TSHZ2: variants seen among roughly 807,000 people sequenced by gnomAD.
The protein encoded by TSHZ2 is teashirt zinc finger homeobox 2.
A neutral mutation model predicts 74.4 loss-of-function variants in TSHZ2; 21 were observed. The ratio of observed to expected loss-of-function variants is 0.28; its 90% CI spans 0.20 to 0.41. The LOEUF is 0.41. Among genes scored for constraint, TSHZ2 ranks in the 10% least tolerant of loss-of-function variants. The pLI is 1.00. For missense variants in TSHZ2, 1,244 were observed against 1,293.5 expected, an observed-to-expected ratio of 0.96 and a Z score of 0.59; for synonymous variants, 540 against 515.3, an observed-to-expected ratio of 1.05 and a Z score of -0.65.
rs1487705472 is a variant in TSHZ2, at chr20:53,226,240, G to T, written c.41-27259G>T. Among the ~76,000 whole-genome samples, 8 of 151,672 alleles carry T rather than the reference G, an allele frequency of 5.3e-5. No homozygotes were observed. The South Asian group carries it at 8.4e-4, about 16-fold the overall frequency. On this transcript the variant is annotated intron_variant, in intron 1 of 2. Transcript: ENST00000371497. ...CTTTGGGGACAGGCCTAGGATTTGG[G>T]TCTCAGCCTTGCCGTATTCTGTCAG...
chr20:53,220,961 A>G (rs986092584), intron 1 of TSHZ2, among the ~76,000 whole-genome samples: 1 of 152,152 alleles, frequency 6.6e-6, no homozygotes, highest in Non-Finnish European at 1.5e-5. Context: ...TTCATGAATG[A>G]TATGGTTTGG....
intron 1 of TSHZ2, among the ~76,000 whole-genome samples, chr20:53,229,820 AGAGG>A (rs1241588757): frequency 6.6e-6 from 1 of 150,408 alleles, no homozygotes; most frequent in Non-Finnish European, 1.5e-5. Context: ...AAGGAAAAAA[AGAGG>A]GAGGAAGAGA....
intron 2 of TSHZ2, among the ~76,000 whole-genome samples, chr20:53,288,015 G>A (rs750905447): frequency 2.0e-5 from 3 of 151,904 alleles, no homozygotes; most frequent in Non-Finnish European, 2.9e-5. Flanking sequence ...TTCCATTATC[G>A]GGAGGCTGGC....
chr20:53,393,635 G>A (rs1306881118), intron 2 of TSHZ2, among the ~76,000 whole-genome samples: 2 of 150,798 alleles, frequency 1.3e-5, no homozygotes, highest in Admixed American at 6.6e-5. Context: ...ATCTATGCAA[G>A]GGACAAAGTT....
intron 1 of TSHZ2, among the ~76,000 whole-genome samples, chr20:53,142,067 A>G (rs1237966758): frequency 1.3e-5 from 2 of 152,218 alleles, no homozygotes; most frequent in East Asian, 3.8e-4. Flanking sequence ...TCCTAAGTCA[A>G]GATTTTTTGT....
intron 1 of TSHZ2, among the ~76,000 whole-genome samples, chr20:53,169,849 T>C (rs1406828409): frequency 3.3e-5 from 5 of 152,230 alleles, no homozygotes; most frequent in African/African-American, 1.2e-4. Context: ...TATATTATAC[T>C]TATGTAAAGG....
intron 1 of TSHZ2, among the ~76,000 whole-genome samples, chr20:53,225,629 A>G (rs1989667305): frequency 6.6e-6 from 1 of 152,230 alleles, no homozygotes; most frequent in African/African-American, 2.4e-5. Flanking sequence ...CCGCTATGGC[A>G]ACTATTGGTA....
intron 1 of TSHZ2, among the ~76,000 whole-genome samples, chr20:53,058,095 G>A (rs1017939676): frequency 3.9e-5 from 6 of 152,134 alleles, no homozygotes; most frequent in Non-Finnish European, 8.8e-5. Flanking sequence ...TCCCTCACAC[G>A]TGCAGTTCAC....
chr20:53,391,445 G>GTT (rs34433732), intron 2 of TSHZ2, among the ~76,000 whole-genome samples: 68 of 150,316 alleles, frequency 4.5e-4, no homozygotes, highest in East Asian at 9.8e-4. Flanking sequence ...GCACCAGGCC[G>GTT]TTTTTTTTGT....
intron 2 of TSHZ2, among the ~76,000 whole-genome samples, chr20:53,323,404 T>G (rs1408263085): frequency 7.2e-6 from 1 of 138,840 alleles, no homozygotes; most frequent in Non-Finnish European, 1.5e-5. Flanking sequence ...CTGGAAATAC[T>G]TGTTTGATGA....
chr20:53,434,325 T>C (rs1983961900), intron 2 of TSHZ2, among the ~76,000 whole-genome samples: 1 of 152,214 alleles, frequency 6.6e-6, no homozygotes, highest in Admixed American at 6.5e-5. Flanking sequence ...ATCATTCAAA[T>C]TTAAGGTCAC....
intron 2 of TSHZ2, among the ~76,000 whole-genome samples, chr20:53,339,145 T>C (rs1210880598): frequency 6.6e-6 from 1 of 152,182 alleles, no homozygotes; most frequent in Non-Finnish European, 1.5e-5. Flanking sequence ...AGAAGAAATC[T>C]AACATTCTCT....
At chr20:53,017,632 A>T (rs990480390) in intron 1 of TSHZ2, among the ~76,000 whole-genome samples, 1 of 152,174 alleles carries the variant, frequency 6.6e-6, no homozygotes, top group African/African-American at 2.4e-5. Flanking sequence ...CAATTAATGG[A>T]GGTTTGAAAA....
intron 2 of TSHZ2, among the ~76,000 whole-genome samples, chr20:53,380,913 C>G (rs1981834189): frequency 6.6e-6 from 1 of 152,088 alleles, no homozygotes; most frequent in African/African-American, 2.4e-5. Context: ...AACTAGAAAC[C>G]ACGTATAAGA....
chr20:53,233,179 G>A (rs1989868000), intron 1 of TSHZ2, among the ~76,000 whole-genome samples: 1 of 152,204 alleles, frequency 6.6e-6, no homozygotes, highest in African/African-American at 2.4e-5. Context: ...AATGTGGAAG[G>A]AAGATCTTGG....
At chr20:53,120,078 A>G (rs964010016) in intron 1 of TSHZ2, among the ~76,000 whole-genome samples, 2 of 152,174 alleles carry the variant, frequency 1.3e-5, no homozygotes, top group Non-Finnish European at 2.9e-5. Flanking sequence ...CCCACATCCC[A>G]TCTAGATAAT....
rs954578333 is a variant in TSHZ2, at chr20:53,026,641, A to C, written c.40+53308A>C. Among the ~76,000 whole-genome samples the C allele has an allele frequency of 2.0e-5, 3 of 152,360 alleles. No homozygotes were observed. In the East Asian group the frequency reaches 5.8e-4, roughly 29 times the overall value. On this transcript the variant is annotated intron_variant, in intron 1 of 2. Transcript: ENST00000371497. The stretch of plus-strand genomic sequence containing the variant: ...TAGTAAACCCATGCAAATAAGAGAG[A>C]AAAATATAACTGTCACATCCACACA...
At chr20:53,051,332 T>A (rs1242932760) in intron 1 of TSHZ2, among the ~76,000 whole-genome samples, 1 of 151,836 alleles carries the variant, frequency 6.6e-6, no homozygotes, top group Non-Finnish European at 1.5e-5. Context: ...GGAGCAAGAC[T>A]GTGTCTCAAA....
At position 53,469,634 on chromosome 20, in the gene TSHZ2, GAGGAAGGAAGGAAGGA is replaced by G. The variant is rs756806325; in HGVS notation, c.*9-17473_*9-17458del. Among the ~76,000 whole-genome samples, 297 of 35,502 alleles carry G rather than the reference GAGGAAGGAAGGAAGGA, an allele frequency of 8.4e-3. 9 individuals are homozygous for G. The highest frequency in any genetic ancestry group is 0.072 in the South Asian group (46 of 638). 23.3% of individuals were successfully genotyped at this position (35,502 alleles called of 152,430 possible). On this transcript the variant is annotated intron_variant, in intron 2 of 2. Coordinates refer to ENST00000371497, the MANE Select transcript of TSHZ2 (RefSeq NM_173485.6). Reference sequence around the variant, plus strand: ...ATAGATAGAGAGGGAGGAAGGGAGGGAGGAAGGAAGGAAGGAAGGAAGGAAGGAAGGAAGGAAGGAA... The same window carrying G: ...ATAGATAGAGAGGGAGGAAGGGAGGGAGGAAGGAAGGAAGGAAGGAAGGAA...
Sources: gnomAD v4.1 joint callset for allele counts (sites outside exome capture counted in the v4.1 genomes callset) on GRCh38, gnomAD v4.1.1 for gene constraint, MANE v1.5 for transcripts, NCBI Gene and HGNC (gene_info 2026-07-23, HGNC 2026-07-21) for gene names.